Variants in DTNBP1 observed in about 807,000 individuals in gnomAD.
The protein encoded by DTNBP1 is dysbindin.
In DTNBP1, 35 loss-of-function variants were observed where a neutral mutation model predicts 42.8. That is an observed-to-expected ratio of 0.82 (90% confidence interval 0.63 to 1.09). DTNBP1 has a LOEUF of 1.09. Ranked by LOEUF, DTNBP1 falls within the 50% of genes least tolerant of loss-of-function variation. The pLI is 0.00. For missense variants in DTNBP1, 457 were observed against 424.2 expected (o/e 1.08, Z -0.68); for synonymous variants, 171 against 162.2 (o/e 1.05, Z -0.41).
chr6:15,524,177 C>A (rs559187979), intron 9 of DTNBP1: 2 of 1,454,714 alleles, frequency 1.4e-6, no homozygotes, highest in South Asian at 2.4e-5. Flanking sequence ...CCGTGAGCCC[C>A]GCAGGAGAGT....
At chr6:15,645,816 C>G (rs1343888354) in intron 3 of DTNBP1, among the ~76,000 whole-genome samples, 1 of 152,146 alleles carries the variant, frequency 6.6e-6, no homozygotes, top group East Asian at 1.9e-4. Flanking sequence ...ATATGACAAA[C>G]CCACAGTCAA....
rs1271155297 is a variant in DTNBP1 at position 15,644,122 on chromosome 6, A to G, written c.162-6318T>C. On this transcript the variant is annotated intron_variant, in intron 3 of 9. Transcript: ENST00000344537. ...TCATGCAAATGGAAACCAAAAGAGA[A>G]CAGAGGTTGCTACTCTTGTATCAGA... 5.3e-5 allele frequency among the ~76,000 whole-genome samples: 8 copies of G among 152,092 alleles called. No individual in the cohort carries two copies. The South Asian group carries it at 1.2e-3, about 24-fold the overall frequency.
At chr6:15,544,538 G>A (rs1773764341) in intron 7 of DTNBP1, among the ~76,000 whole-genome samples, 1 of 152,206 alleles carries the variant, frequency 6.6e-6, no homozygotes, top group Non-Finnish European at 1.5e-5. Flanking sequence ...CACTGTGTGA[G>A]TCAGCTAGTT....
chr6:15,649,959 T>C (rs573424514), intron 3 of DTNBP1, among the ~76,000 whole-genome samples: 110 of 152,338 alleles, frequency 7.2e-4, no homozygotes, highest in African/African-American at 2.5e-3. Context: ...ACATTACTGA[T>C]TAATTTGTAC....
At chr6:15,618,182 T>C (rs1758822374) in intron 5 of DTNBP1, among the ~76,000 whole-genome samples, 1 of 151,878 alleles carries the variant, frequency 6.6e-6, no homozygotes. Context: ...AAAAAACCTA[T>C]TAAAAATGGG....
intron 4 of DTNBP1, among the ~76,000 whole-genome samples, chr6:15,632,850 G>T (rs1423545585): frequency 2.0e-5 from 3 of 152,104 alleles, no homozygotes; most frequent in African/African-American, 7.2e-5. Flanking sequence ...TGCTGGATTT[G>T]GTTTGCCACC....
In DTNBP1 at chr6:15,533,390, G is replaced by C. The variant is rs1046667159; in HGVS notation, c.517C>G (p.Leu173Val). The C allele has an allele frequency of 1.2e-6, 2 of 1,614,124 alleles. No individual in the cohort carries two copies. The highest frequency in any genetic ancestry group is 1.7e-6 in the Non-Finnish European group (2 of 1,180,064). ...RKELETFKAE[L>V]DAEHAQKVLE... Reference sequence around the variant, plus strand: ...ACCTTCTGGGCGTGCTCTGCATCTAGTTCAGCTGAGGAAACAGAATAACTG... The same window carrying C: ...ACCTTCTGGGCGTGCTCTGCATCTACTTCAGCTGAGGAAACAGAATAACTG... The change falls in exon 8 of 10, where the codon CTA (leucine) becomes GTA (valine). Residue 173 changes from leucine to valine, a missense_variant. Leu to Val is a conservative substitution (Grantham distance 32, BLOSUM62 1). Coordinates refer to ENST00000344537, the MANE Select transcript of DTNBP1 (RefSeq NM_032122.5).
At chr6:15,544,060 A>G (rs1773734138) in intron 7 of DTNBP1, among the ~76,000 whole-genome samples, 1 of 152,224 alleles carries the variant, frequency 6.6e-6, no homozygotes, top group Admixed American at 6.5e-5. Flanking sequence ...GGTGACACCA[A>G]GCATTTACTT....
chr6:15,649,942 AAAC>A (rs1180250493), intron 3 of DTNBP1, among the ~76,000 whole-genome samples: 1 of 152,238 alleles, frequency 6.6e-6, no homozygotes, highest in Non-Finnish European at 1.5e-5. Flanking sequence ...TGTAAATAGT[AAAC>A]AATACATTAC....
At position 15,608,479 on chromosome 6, in the gene DTNBP1, T is replaced by A. The variant is rs546874534; in HGVS notation, c.488+6788A>T. On this transcript the variant is annotated intron_variant, in intron 6 of 9. Transcript: ENST00000344537. ...TCTCCAGAAGGCCTTCCTGTCCCAA[T>A]ATGAATTGCTCTCTAGGATTGCTGA... is the stretch of plus-strand genomic sequence containing the variant. Among the ~76,000 whole-genome samples the A allele has an allele frequency of 5.6e-4, 86 of 152,342 alleles. 1 individual carries two copies. Among genetic ancestry groups the A allele is most frequent in the Middle Eastern group, 3.4e-3 (1 of 294 alleles).
chr6:15,639,240 C>T (rs554652516), intron 3 of DTNBP1, among the ~76,000 whole-genome samples: 27 of 152,146 alleles, frequency 1.8e-4, no homozygotes, highest in East Asian at 7.7e-4. Context: ...ATATGAAATG[C>T]TAACACTGGG....
chr6:15,533,299 A>C lies in DTNBP1; in HGVS notation c.608T>G (p.Phe203Cys). 1 of 1,614,150 alleles carries C rather than the reference A, an allele frequency of 6.2e-7. No individual in the cohort carries two copies. The highest frequency in any genetic ancestry group is 1.1e-5 in the South Asian group (1 of 91,080). Reference sequence around the variant, plus strand: ...CAGGTACTGCTCCATGTCCTGCTGGAAGGCTTCCTCAAAAAACTTCTGCCG... The same window carrying C: ...CAGGTACTGCTCCATGTCCTGCTGGCAGGCTTCCTCAAAAAACTTCTGCCG... The part of the protein sequence containing the change: ...KERQKFFEEA[F>C]QQDMEQYLST... The change falls in exon 8 of 10, where the codon TTC becomes TGC. Residue 203 changes from phenylalanine (F) to cysteine (C), a missense_variant. By Grantham distance (205) the Phe-to-Cys change is radical. Coordinates refer to ENST00000344537, the MANE Select transcript of DTNBP1 (RefSeq NM_032122.5).
At chr6:15,654,431 T>C (rs769270147) in intron 1 of DTNBP1, among the ~76,000 whole-genome samples, 12 of 152,194 alleles carry the variant, frequency 7.9e-5, no homozygotes, top group Non-Finnish European at 1.3e-4. Context: ...TTTTTAGTGA[T>C]TCAGGAGAAT....
intron 7 of DTNBP1, among the ~76,000 whole-genome samples, chr6:15,553,584 G>T (rs2113429987): frequency 4.9e-5 from 1 of 20,544 alleles, no homozygotes. Context: ...CAATGCTCTT[G>T]ACAAGTGAGC....
At position 15,529,610 on chromosome 6, in the gene DTNBP1, A is replaced by G. The variant is rs1165573191; in HGVS notation, c.667+3630T>C. ...TGGAAGCAGGGACACCCCTGGCTCC[A>G]TAGGATTCCATTTTGCTGAACTACT... On this transcript the variant is annotated intron_variant, in intron 8 of 9. Transcript: ENST00000344537. 2.6e-5 allele frequency among the ~76,000 whole-genome samples: 4 copies of G among 152,250 alleles called. No homozygotes were observed. In the East Asian group the frequency reaches 5.8e-4, roughly 22 times the overall value.
intron 7 of DTNBP1, among the ~76,000 whole-genome samples, chr6:15,564,548 C>T (rs1774984523): frequency 6.6e-6 from 1 of 152,052 alleles, no homozygotes; most frequent in African/African-American, 2.4e-5. Flanking sequence ...GCTGGGTTTA[C>T]AGGCGTGTAC....
At chr6:15,597,712 C>T (rs567555973) in intron 6 of DTNBP1, among the ~76,000 whole-genome samples, 3 of 152,354 alleles carry the variant, frequency 2.0e-5, no homozygotes, top group Middle Eastern at 3.4e-3. Flanking sequence ...GAGACTGCAT[C>T]TCTTCCATCC....
intron 7 of DTNBP1, among the ~76,000 whole-genome samples, chr6:15,539,212 C>G (rs146243948): frequency 9.6e-4 from 146 of 152,312 alleles, no homozygotes; most frequent in Middle Eastern, 3.4e-3. Flanking sequence ...GTAAATATTC[C>G]TAATTAGCAT....
rs750800972 is a variant in DTNBP1, at chr6:15,662,938, A to T, written c.-69T>A. On this transcript the variant is annotated 5_prime_UTR_variant, in exon 1 of 10. Transcript: ENST00000344537. ...CTGCCTCTGTCGCCCCCTGGGTCCC[A>T]CGCCGCCAACCCCGCGCTGTCACCG... The T allele has an allele frequency of 9.4e-6, 15 of 1,591,428 alleles. No individual in the cohort carries two copies. Among genetic ancestry groups the T allele is most frequent in the Non-Finnish European group, 1.2e-5 (14 of 1,173,820 alleles).
Sources: allele counts gnomAD v4.1 joint callset (sites outside exome capture counted in the v4.1 genomes callset), GRCh38; gene constraint gnomAD v4.1.1; transcripts MANE v1.5; gene names NCBI Gene and HGNC (gene_info 2026-07-23, HGNC 2026-07-21).